PCDHGB5: variants seen among roughly 807,000 people sequenced by gnomAD.
PCDHGB5 encodes protocadherin gamma subfamily B, 5.
In PCDHGB5, 48 loss-of-function variants were observed where a neutral mutation model predicts 62.9. The ratio of observed to expected loss-of-function variants is 0.76; its 90% CI spans 0.61 to 0.97. The LOEUF (loss-of-function observed/expected upper bound fraction) is 0.97, where lower values mean the gene tolerates loss of function less well. Among genes scored for constraint, PCDHGB5 ranks in the 50% least tolerant of loss-of-function variants. The probability of loss-of-function intolerance (pLI) is 0.00; values close to 1 mark genes in which losing one functional copy is unlikely to be tolerated. For synonymous variants in PCDHGB5, 474 were observed against 511.2 expected (o/e 0.93, Z 0.98); for missense variants, 1,118 against 1,198.6 (o/e 0.93, Z 0.99).
chr5:141,424,087 A>C, intron 1 of PCDHGB5: 1 of 933,106 alleles, frequency 1.1e-6, no homozygotes, highest in Non-Finnish European at 1.3e-6. Flanking sequence ...TTCCACCATT[A>C]TTTGCTATTA....
chr5:141,413,470 C>T (rs748662580), intron 1 of PCDHGB5: 17 of 1,614,110 alleles, frequency 1.1e-5, no homozygotes, highest in Non-Finnish European at 1.4e-5. Flanking sequence ...CCGGGAGGAG[C>T]TCTGCGCTCA....
chr5:141,489,844 C>T lies in PCDHGB5; in HGVS notation c.2398-4963C>T, dbSNP rs1004902910. 4.3e-6 allele frequency: 7 copies of T among 1,614,148 alleles called. No homozygotes were observed. The African/African-American group carries it at 9.3e-5, about 22-fold the overall frequency. ...GCTGGTGCTAGAGCAGCAGCTGGAT[C>T]GTGAAGCCCAGGCAAGACATCAGCT... On this transcript the variant is annotated intron_variant, in intron 1 of 3. Transcript: ENST00000617380. The surrounding 1 kb of genome is among the most constrained non-coding windows in gnomAD (Gnocchi z 4.5).
chr5:141,505,277 G>A, intron 2 of PCDHGB5, 116 bp from the exon 3 acceptor site: 1 of 1,539,958 alleles, frequency 6.5e-7, no homozygotes, highest in African/African-American at 1.4e-5. Context: ...AGAGAAACAG[G>A]TCTTGGGCAT....
rs766387243 is a variant in PCDHGB5 at position 141,489,017 on chromosome 5, TCTC to T, written c.2398-5782_2398-5780del. The stretch of plus-strand genomic sequence containing the variant: ...GGGAGATCTGCTCTTCCAGCCCGCC[TCTC>T]CTCCTCCAGCTCCCCAGCTCCACTC... On this transcript the variant is annotated intron_variant, in intron 1 of 3. Transcript: ENST00000617380. This position sits in a 1 kb window ranked among gnomAD's most constrained non-coding sequence, Gnocchi z 4.5. 2 of 435,354 alleles carry T rather than the reference TCTC, an allele frequency of 4.6e-6. No individual in the cohort carries two copies. Among genetic ancestry groups the T allele is most frequent in the Non-Finnish European group, 8.1e-6 (2 of 247,876 alleles). The allele number at this position is 435,354 out of a possible 1,614,324, so 27.0% of individuals were successfully genotyped here. A position where few individuals can be genotyped will look rare whatever the true frequency, so the allele number is the denominator to read the frequency against.
intron 1 of PCDHGB5, among the ~76,000 whole-genome samples, chr5:141,450,826 A>T (rs965147554): frequency 1.9e-4 from 26 of 134,356 alleles, no homozygotes; most frequent in East Asian, 6.4e-4. Context: ...TATTATTATT[A>T]TTATTTTTTT....
intron 1 of PCDHGB5, among the ~76,000 whole-genome samples, chr5:141,459,747 A>G (rs553965181): frequency 3.2e-4 from 48 of 152,318 alleles, no homozygotes; most frequent in African/African-American, 1.1e-3. Flanking sequence ...AATTTTAGCA[A>G]TTCTAGTGGG....
chr5:141,414,357 A>G, intron 1 of PCDHGB5: 3 of 1,613,888 alleles, frequency 1.9e-6, no homozygotes, highest in Non-Finnish European at 2.5e-6. Flanking sequence ...TGGCGTATCT[A>G]CCATTTAAAT....
intron 1 of PCDHGB5, chr5:141,415,385 C>T (rs1388093443): frequency 3.7e-6 from 6 of 1,614,228 alleles, no homozygotes; most frequent in Non-Finnish European, 5.1e-6. Flanking sequence ...GGCGGCTTGA[C>T]AGGTGTGTCC....
At chr5:141,448,139 C>A (rs1486636157) in intron 1 of PCDHGB5, among the ~76,000 whole-genome samples, 1 of 151,884 alleles carries the variant, frequency 6.6e-6, no homozygotes, top group African/African-American at 2.4e-5. Context: ...CCTCACTATA[C>A]CTCAGACTCA....
rs747077639 is a variant in PCDHGB5, at chr5:141,432,371, G to C, written c.2397+31847G>C. 2 of 1,614,234 alleles carry C rather than the reference G, an allele frequency of 1.2e-6. No individual in the cohort carries two copies. The highest frequency in any genetic ancestry group is 1.6e-4 in the Middle Eastern group (1 of 6,062). ...AGTGAAAGTGATGGCGCGGGACAAC[G>C]GGCACCCGCCCCTCAGCAGCAACGT... On this transcript the variant is annotated intron_variant, in intron 1 of 3. Transcript: ENST00000617380. The surrounding 1 kb of genome is among the most constrained non-coding windows in gnomAD (Gnocchi z 6.0).
intron 1 of PCDHGB5, among the ~76,000 whole-genome samples, chr5:141,443,085 G>A (rs991288098): frequency 3.9e-5 from 6 of 151,916 alleles, no homozygotes; most frequent in Admixed American, 2.6e-4. Flanking sequence ...GAGTGTTCCA[G>A]TCTCCTTCTC....
At chr5:141,478,236 TCA>T in intron 1 of PCDHGB5, 3 of 1,614,156 alleles carry the variant, frequency 1.9e-6, no homozygotes, top group Non-Finnish European at 2.5e-6. Flanking sequence ...GGGTTTGTGG[TCA>T]CAGTGTTCGG....
chr5:141,505,287 TG>T, intron 2 of PCDHGB5, 105 bp from the exon 3 acceptor site: 1 of 1,550,864 alleles, frequency 6.4e-7, no homozygotes, highest in Middle Eastern at 2.1e-4. Context: ...GTCTTGGGCA[TG>T]GGGTAGGGTT....
chr5:141,477,504 A>T lies in PCDHGB5; in HGVS notation c.2398-17303A>T, dbSNP rs1396003792. Reference sequence around the variant, plus strand: ...CCACAATCTTCTCAATCTTCCTACGACGTTTACATTGAAGAAAACAACCTC... The same window carrying T: ...CCACAATCTTCTCAATCTTCCTACGTCGTTTACATTGAAGAAAACAACCTC... On this transcript the variant is annotated intron_variant, in intron 1 of 3. Coordinates refer to ENST00000617380, the MANE Select transcript of PCDHGB5 (RefSeq NM_018925.3). This position sits in a 1 kb window ranked among gnomAD's most constrained non-coding sequence, Gnocchi z 4.9. The T allele has an allele frequency of 4.3e-6, 7 of 1,613,982 alleles. No homozygotes were observed. In the Admixed American group the frequency reaches 8.3e-5, roughly 19 times the overall value.
chr5:141,444,545 C>G (rs1346405150), intron 1 of PCDHGB5, among the ~76,000 whole-genome samples: 1 of 152,042 alleles, frequency 6.6e-6, no homozygotes, highest in Non-Finnish European at 1.5e-5. Context: ...GTCTAGTGAG[C>G]AAAAGGCACT....
intron 1 of PCDHGB5, chr5:141,414,552 C>G: frequency 6.2e-7 from 1 of 1,613,984 alleles, no homozygotes; most frequent in Non-Finnish European, 8.5e-7. Context: ...TCTCTCAAGT[C>G]TCCTACTTTA....
At chr5:141,505,282 G>C (rs73280377) in intron 2 of PCDHGB5, 111 bp from the exon 3 acceptor site, 37,017 of 1,544,812 alleles carry the variant, frequency 0.024, 1,115 homozygotes, top group African/African-American at 0.15. Context: ...AACAGGTCTT[G>C]GGCATGGGGT....
intron 1 of PCDHGB5, chr5:141,415,715 T>A: frequency 7.0e-7 from 1 of 1,428,190 alleles, no homozygotes; most frequent in Non-Finnish European, 9.3e-7. Flanking sequence ...AAAACACTGA[T>A]GAGTAGAATT....
chr5:141,400,544 A>G lies in PCDHGB5; in HGVS notation c.2397+20A>G, dbSNP rs1436586530. On this transcript the variant is annotated intron_variant, in intron 1 of 3. Transcript: ENST00000617380. ...GAGTTGGTGAGTTTCATTTATGTCT[A>G]TTCTTTTTCATTACCCACCCAATTT... 1 of 1,613,568 alleles carries G rather than the reference A, an allele frequency of 6.2e-7. No homozygotes were observed. The highest frequency in any genetic ancestry group is 8.5e-7 in the Non-Finnish European group (1 of 1,179,734).
Sources: allele counts gnomAD v4.1 joint callset (sites outside exome capture counted in the v4.1 genomes callset), GRCh38; gene constraint gnomAD v4.1.1; non-coding constraint Gnocchi (gnomAD v3.1); transcripts MANE v1.5; gene names NCBI Gene and HGNC (gene_info 2026-07-23, HGNC 2026-07-21).